The following KAZN variants were observed in gnomAD, a reference collection of about 807,000 sequenced individuals.
KAZN encodes kazrin.
KAZN carries 40 observed loss-of-function variants against 87.4 expected under a neutral mutation model. The observed-to-expected ratio is 0.46, with a 90% CI of 0.36 to 0.60. The LOEUF (loss-of-function observed/expected upper bound fraction) is 0.60. Ranked by LOEUF, KAZN falls within the 20% of genes least tolerant of loss-of-function variation. The probability of loss-of-function intolerance (pLI) is 0.00; values close to 1 mark genes in which losing one functional copy is unlikely to be tolerated. For missense variants in KAZN, 898 were observed against 1,073.9 expected, an observed-to-expected ratio of 0.84 and a Z score of 2.29; for synonymous variants, 466 against 458.3, an observed-to-expected ratio of 1.02 and a Z score of -0.22.
chr1:14,115,225 A>G (rs544768121), intron 1 of KAZN, among the ~76,000 whole-genome samples: 4 of 152,356 alleles, frequency 2.6e-5, no homozygotes, highest in African/African-American at 9.6e-5. Flanking sequence ...AGATACAACA[A>G]TGTCTCTCAC....
At chr1:13,908,328 G>A (rs1438257182) in intron 1 of KAZN, among the ~76,000 whole-genome samples, 2 of 152,216 alleles carry the variant, frequency 1.3e-5, no homozygotes, top group Admixed American at 6.5e-5. Flanking sequence ...GGTAATGAGA[G>A]AGGTCATGAG....
chr1:14,807,353 C>G (rs2100768601), intron 1 of KAZN, among the ~76,000 whole-genome samples: 2 of 152,294 alleles, frequency 1.3e-5, no homozygotes, highest in East Asian at 3.9e-4. Context: ...TCCTACAATT[C>G]CATAAGCCAC....
In KAZN at chr1:15,066,440, T is replaced by C. The variant is rs574777877; in HGVS notation, c.1222+687T>C. 10 of 985,272 alleles carry C rather than the reference T, an allele frequency of 1.0e-5. No homozygotes were observed. The South Asian group carries it at 4.2e-4, about 42-fold the overall frequency. The allele number at this position is 985,272 out of a possible 1,614,324, so 61.0% of individuals were successfully genotyped here. On this transcript the variant is annotated intron_variant, in intron 8 of 14. Transcript: ENST00000376030. The surrounding 1 kb of genome is among the most constrained non-coding windows in gnomAD (Gnocchi z 4.3). Reference sequence around the variant, plus strand: ...ATCGTCGTCAGGGTAAGCTCTGCTCTCTACAAAGACTCGCGAGCCGGGCCA... The same window carrying C: ...ATCGTCGTCAGGGTAAGCTCTGCTCCCTACAAAGACTCGCGAGCCGGGCCA...
At chr1:14,700,076 T>A (rs1307327912) in intron 1 of KAZN, among the ~76,000 whole-genome samples, 1 of 152,128 alleles carries the variant, frequency 6.6e-6, no homozygotes, top group Non-Finnish European at 1.5e-5. Flanking sequence ...GAAAGGGTTA[T>A]GCTGAAAGAA....
intron 2 of KAZN, among the ~76,000 whole-genome samples, chr1:14,296,049 C>A (rs1193404021): frequency 6.6e-6 from 1 of 152,128 alleles, no homozygotes; most frequent in Non-Finnish European, 1.5e-5. Flanking sequence ...GTACCTACCT[C>A]ATAGGGTTGC....
At chr1:14,401,772 T>G (rs1283868471) in intron 2 of KAZN, among the ~76,000 whole-genome samples, 1 of 152,146 alleles carries the variant, frequency 6.6e-6, no homozygotes, top group East Asian at 1.9e-4. Flanking sequence ...ATTAGTTCAG[T>G]AGGTACAGAA....
At chr1:14,693,189 G>A (rs1317436760) in intron 1 of KAZN, among the ~76,000 whole-genome samples, 1 of 152,152 alleles carries the variant, frequency 6.6e-6, no homozygotes, top group African/African-American at 2.4e-5. Flanking sequence ...CGGACAACTT[G>A]GATAGGACAA....
At chr1:15,097,301 C>A (rs867783446) in intron 10 of KAZN, among the ~76,000 whole-genome samples, 1 of 152,056 alleles carries the variant, frequency 6.6e-6, no homozygotes, top group Non-Finnish European at 1.5e-5. Context: ...TCCATGGACT[C>A]GGGGGTAAGA....
intron 2 of KAZN, among the ~76,000 whole-genome samples, chr1:14,588,935 T>C (rs748834944): frequency 2.0e-4 from 31 of 152,138 alleles, no homozygotes; most frequent in Non-Finnish European, 4.3e-4. Context: ...TCCCAGTGTT[T>C]TGAGGACCTA....
intron 2 of KAZN, among the ~76,000 whole-genome samples, chr1:14,298,795 T>C (rs1382710035): frequency 1.3e-5 from 2 of 152,212 alleles, no homozygotes; most frequent in Non-Finnish European, 2.9e-5. Context: ...GTGCCAGACA[T>C]AGAATGGGTT....
At chr1:14,569,596 A>C (rs955421636) in intron 2 of KAZN, among the ~76,000 whole-genome samples, 26 of 151,492 alleles carry the variant, frequency 1.7e-4, no homozygotes, top group Admixed American at 1.6e-3. Context: ...TGCTAGGATT[A>C]CAGGCATGAG....
chr1:14,976,094 C>CCTGCACACTGCACAG (rs1553165834), intron 2 of KAZN, among the ~76,000 whole-genome samples: 2 of 125,578 alleles, frequency 1.6e-5, no homozygotes, highest in South Asian at 4.6e-4. Context: ...GCGCGGTGAG[C>CCTGCACACTGCACAG]CCGCACACTG....
At chr1:14,840,932 GAAGA>G (rs373950726) in intron 1 of KAZN, among the ~76,000 whole-genome samples, 267 of 152,312 alleles carry the variant, frequency 1.8e-3, no homozygotes, top group African/African-American at 6.0e-3. Context: ...AGTTGATGAT[GAAGA>G]AAGAGAGAGA....
intron 1 of KAZN, among the ~76,000 whole-genome samples, chr1:14,697,093 AC>A (rs1641645967): frequency 6.7e-6 from 1 of 150,232 alleles, no homozygotes; most frequent in Non-Finnish European, 1.5e-5. Flanking sequence ...GGAGTTTTAG[AC>A]CAACCTGGGC....
intron 2 of KAZN, among the ~76,000 whole-genome samples, chr1:14,270,804 A>G (rs1651861140): frequency 1.3e-5 from 2 of 152,086 alleles, no homozygotes; most frequent in African/African-American, 4.8e-5. Context: ...ATAAGGCACT[A>G]ATATACTTCG....
intron 2 of KAZN, among the ~76,000 whole-genome samples, chr1:14,300,885 T>C (rs533766829): frequency 1.3e-5 from 2 of 152,052 alleles, no homozygotes; most frequent in Non-Finnish European, 2.9e-5. Flanking sequence ...AACCAAGGGG[T>C]AGGTATAGGG....
intron 1 of KAZN, among the ~76,000 whole-genome samples, chr1:14,944,046 C>T (rs1014536138): frequency 1.3e-5 from 2 of 152,034 alleles, no homozygotes; most frequent in African/African-American, 4.8e-5. Flanking sequence ...TGCACTCCAG[C>T]CTGGGTGACA....
intron 1 of KAZN, among the ~76,000 whole-genome samples, chr1:14,771,909 G>A (rs145570681): frequency 1.3e-5 from 2 of 152,316 alleles, no homozygotes; most frequent in Non-Finnish European, 2.9e-5. Context: ...TCCAAGGAGA[G>A]ATGAGATCAA....
At position 14,856,026 on chromosome 1, in the gene KAZN, A is replaced by G. The variant is rs949039738; in HGVS notation, c.227-104658A>G. 5.3e-5 allele frequency among the ~76,000 whole-genome samples: 8 copies of G among 152,232 alleles called. No individual in the cohort carries two copies. Among genetic ancestry groups the G allele is most frequent in the African/African-American group, 1.9e-4 (8 of 41,452 alleles). On this transcript the variant is annotated intron_variant, in intron 1 of 14. Coordinates refer to ENST00000376030, the MANE Select transcript of KAZN (RefSeq NM_201628.3). This position sits in a 1 kb window ranked among gnomAD's most constrained non-coding sequence, Gnocchi z 5.2. Reference sequence around the variant, plus strand: ...TACTTATGTTACTGACAAGGAGCACATTAGTAATTGGAATGTGACATTGGG... The same window carrying G: ...TACTTATGTTACTGACAAGGAGCACGTTAGTAATTGGAATGTGACATTGGG...
Sources: gnomAD v4.1 joint callset for allele counts (sites outside exome capture counted in the v4.1 genomes callset) on GRCh38, gnomAD v4.1.1 for gene constraint, Gnocchi (gnomAD v3.1) non-coding constraint, MANE v1.5 for transcripts, NCBI Gene and HGNC (gene_info 2026-07-23, HGNC 2026-07-21) for gene names.